Variants in PTPRJ observed in about 807,000 individuals in gnomAD.
PTPRJ encodes the protein protein tyrosine phosphatase receptor type J.
Under a neutral mutation model 141.3 loss-of-function variants are expected in PTPRJ, and 129 were observed. That is an observed-to-expected ratio of 0.91 (90% CI 0.79 to 1.06). The LOEUF is 1.06. Ranked by LOEUF, PTPRJ falls within the 50% of genes least tolerant of loss-of-function variation. The pLI is 0.00. For missense variants in PTPRJ, 1,601 were observed against 1,679.7 expected (o/e 0.95, Z 0.82); for synonymous variants, 610 against 640.5 (o/e 0.95, Z 0.72).
intron 1 of PTPRJ, among the ~76,000 whole-genome samples, chr11:48,047,991 G>A (rs909046392): frequency 6.6e-6 from 1 of 152,168 alleles, no homozygotes; most frequent in Non-Finnish European, 1.5e-5. Context: ...GGTCATTAAC[G>A]GCTTTTGGGG....
rs569070307 is a variant in PTPRJ at position 48,062,386 on chromosome 11, G to A, written c.97-47672G>A. On this transcript the variant is annotated intron_variant, in intron 1 of 24. Transcript: ENST00000418331. Reference sequence around the variant, plus strand: ...TAATTAGCTGGGCGTAGTGGCGGGCGCCTGTAGTACCAGCTACTTGGGAGG... The same window carrying A: ...TAATTAGCTGGGCGTAGTGGCGGGCACCTGTAGTACCAGCTACTTGGGAGG... Among the ~76,000 whole-genome samples, 85 of 151,852 alleles carry A rather than the reference G, an allele frequency of 5.6e-4. 1 individual carries two copies. The highest frequency in any genetic ancestry group is 8.3e-4 in the South Asian group (4 of 4,814).
intron 1 of PTPRJ, chr11:48,015,836 AGAGT>A (rs1163755054): frequency 1.4e-5 from 2 of 146,914 alleles, no homozygotes; most frequent in African/African-American, 5.2e-5. Context: ...CCTGGGCAAC[AGAGT>A]GAGACTCTGT....
Position 48,149,470 on chromosome 11 carries a change from T to C in PTPRJ, c.3023T>C (p.Val1008Ala). 1 of 1,519,950 alleles carries C rather than the reference T, an allele frequency of 6.6e-7. No homozygotes were observed. Among genetic ancestry groups the C allele is most frequent in the Non-Finnish European group, 9.0e-7 (1 of 1,106,858 alleles). 94.2% of individuals were successfully genotyped at this position (1,519,950 alleles called of 1,614,324 possible). A position where few individuals can be genotyped will look rare whatever the true frequency, so the allele number is the denominator to read the frequency against. ...KKRKDAKNNE[V>A]SFSQIKPKKS... ...AGGAAAGATGCAAAGAATAATGAAG[T>C]GTCCTTTTCTCAAATTAAGTAAGTC... Residue 1008 changes from valine (V) to alanine (A), a missense_variant, in exon 16 of 25, where the codon GTG becomes GCG. Physicochemically the swap from Val to Ala is moderately conservative, Grantham distance 64. Transcript: ENST00000418331.
intron 1 of PTPRJ, among the ~76,000 whole-genome samples, chr11:47,999,216 A>G (rs190162264): frequency 1.3e-5 from 2 of 152,346 alleles, no homozygotes; most frequent in Non-Finnish European, 2.9e-5. Context: ...CATGGCCACA[A>G]GAGAGGCAAG....
At chr11:48,029,246 T>G (rs1237833693) in intron 1 of PTPRJ, among the ~76,000 whole-genome samples, 1 of 152,246 alleles carries the variant, frequency 6.6e-6, no homozygotes, top group East Asian at 1.9e-4. Context: ...ATTGCTTAGC[T>G]CTTTTGATGT....
rs199803858 is a variant in PTPRJ, at chr11:48,167,319, C to T, written c.3971C>T (p.Ala1324Val). 70 of 1,614,054 alleles carry T rather than the reference C, an allele frequency of 4.3e-5. No individual in the cohort carries two copies. The East Asian group carries it at 9.6e-4, about 22-fold the overall frequency. The change falls in exon 25 of 25, where the codon GCG becomes GTG. Residue 1324 changes from alanine (A) to valine (V), a missense_variant. Transcript: ENST00000418331. ...TTAMTIYENL[A>V]PVTTFGKTNG... ...GCAATGACAATCTATGAAAACCTTG[C>T]GCCCGTGACCACATTTGGAAAGACC...
intron 1 of PTPRJ, among the ~76,000 whole-genome samples, chr11:48,063,177 A>C (rs1438601228): frequency 6.6e-6 from 1 of 152,036 alleles, no homozygotes; most frequent in Non-Finnish European, 1.5e-5. Flanking sequence ...AAAATATAAA[A>C]ATTAGCTGGG....
At chr11:48,013,466 G>T (rs186058719) in intron 1 of PTPRJ, among the ~76,000 whole-genome samples, 11 of 152,176 alleles carry the variant, frequency 7.2e-5, no homozygotes, top group Admixed American at 2.6e-4. Flanking sequence ...GGGAGATGAG[G>T]CCTGGCCTCC....
At chr11:48,132,245 T>C (rs1196753743) in intron 8 of PTPRJ, 11 of 985,252 alleles carry the variant, frequency 1.1e-5, no homozygotes, top group Non-Finnish European at 1.3e-5. Context: ...ATTGATAAAA[T>C]CATTTTATAG....
At chr11:48,034,802 C>T (rs1159966784) in intron 1 of PTPRJ, among the ~76,000 whole-genome samples, 1 of 152,214 alleles carries the variant, frequency 6.6e-6, no homozygotes, top group African/African-American at 2.4e-5. Flanking sequence ...TGTCGGTTTT[C>T]CCATCAATCT....
chr11:48,152,954 T>C (rs1003512337), intron 18 of PTPRJ, among the ~76,000 whole-genome samples: 2 of 152,146 alleles, frequency 1.3e-5, no homozygotes, highest in African/African-American at 4.8e-5. Context: ...CTCATAGGTA[T>C]TGGGGGCGAG....
chr11:48,166,545 C>G (rs1399816499), intron 24 of PTPRJ, among the ~76,000 whole-genome samples: 2 of 151,916 alleles, frequency 1.3e-5, no homozygotes, highest in African/African-American at 4.8e-5. Context: ...CACTCCTAAC[C>G]TGAGCCGATC....
At chr11:48,096,110 A>G (rs1366809795) in intron 1 of PTPRJ, among the ~76,000 whole-genome samples, 2 of 152,186 alleles carry the variant, frequency 1.3e-5, no homozygotes, top group East Asian at 3.8e-4. Flanking sequence ...ATCACAGTTC[A>G]TTGCCGTTTA....
At chr11:48,040,892 A>G (rs1854258282) in intron 1 of PTPRJ, among the ~76,000 whole-genome samples, 1 of 152,058 alleles carries the variant, frequency 6.6e-6, no homozygotes, top group Non-Finnish European at 1.5e-5. Flanking sequence ...GTGAGCCACC[A>G]TGCCCCTCTT....
intron 1 of PTPRJ, among the ~76,000 whole-genome samples, chr11:48,045,446 A>G (rs1854367920): frequency 6.6e-6 from 1 of 152,152 alleles, no homozygotes; most frequent in African/African-American, 2.4e-5. Context: ...GCCACATGGA[A>G]CTGAGTGGGA....
intron 1 of PTPRJ, among the ~76,000 whole-genome samples, chr11:48,039,464 G>GGTGT (rs67338648): frequency 0.014 from 2,029 of 146,498 alleles, 44 homozygotes; most frequent in African/African-American, 0.047. Context: ...ACAACACTAT[G>GGTGT]GTGTGTGTGT....
In PTPRJ at chr11:48,147,985, A is replaced by G. The variant is rs186724474; in HGVS notation, c.2999+1022A>G. Among the ~76,000 whole-genome samples, 292 of 151,988 alleles carry G rather than the reference A, an allele frequency of 1.9e-3. No individual in the cohort carries two copies. The Middle Eastern group carries it at 0.027, about 14-fold the overall frequency. On this transcript the variant is annotated intron_variant, in intron 15 of 24. Coordinates refer to ENST00000418331, the MANE Select transcript of PTPRJ (RefSeq NM_002843.4). ...CTCAGCCTCTTGAGTAGCTGGGATTACAGGCACCGCCACCACACCCAGCTA... is the reference window on the plus strand; with the variant it reads ...CTCAGCCTCTTGAGTAGCTGGGATTGCAGGCACCGCCACCACACCCAGCTA...
At chr11:48,020,560 G>A (rs1228027) in intron 1 of PTPRJ, among the ~76,000 whole-genome samples, 2 of 152,120 alleles carry the variant, frequency 1.3e-5, no homozygotes, top group African/African-American at 4.8e-5. Context: ...GTAAATGAAC[G>A]CAGTGCAGTC....
Position 48,112,732 on chromosome 11 carries a change from ACTTT to A in PTPRJ, c.116-10_116-7del. ...AAATATATTTTTAATCTAATTGTTT[ACTTT>A]CTTTGCATAGCCCCTAGTCCAATTC... On this transcript the variant is annotated splice_polypyrimidine_tract_variant and intron_variant, in intron 2 of 24. Coordinates refer to ENST00000418331, the MANE Select transcript of PTPRJ (RefSeq NM_002843.4). 6.4e-7 allele frequency: 1 copy of A among 1,562,720 alleles called. No individual in the cohort carries two copies. The highest frequency in any genetic ancestry group is 1.1e-5 in the South Asian group (1 of 89,722).
Sources: gnomAD v4.1 joint callset for allele counts (sites outside exome capture counted in the v4.1 genomes callset) on GRCh38, gnomAD v4.1.1 for gene constraint, MANE v1.5 for transcripts, NCBI Gene and HGNC (gene_info 2026-07-23, HGNC 2026-07-21) for gene names.